PIP5K1B: variants seen among roughly 807,000 people sequenced by gnomAD.
The protein encoded by PIP5K1B is phosphatidylinositol-4-phosphate 5-kinase type 1 beta.
A neutral mutation model predicts 67.0 loss-of-function variants in PIP5K1B; 42 were observed. The ratio of observed to expected loss-of-function variants is 0.63; its 90% CI spans 0.49 to 0.81. The LOEUF is 0.81. Among genes scored for constraint, PIP5K1B ranks in the 30% least tolerant of loss-of-function variants. The probability of loss-of-function intolerance (pLI) is 0.00; values close to 1 mark genes in which losing one functional copy is unlikely to be tolerated. For missense variants in PIP5K1B, 459 were observed against 646.3 expected (o/e 0.71, Z 3.14); for synonymous variants, 214 against 231.4 (o/e 0.92, Z 0.68).
chr9:68,878,387 T>A (rs1313912821), intron 6 of PIP5K1B, among the ~76,000 whole-genome samples: 1 of 152,156 alleles, frequency 6.6e-6, no homozygotes, highest in African/African-American at 2.4e-5. Flanking sequence ...TTTGCTTTCT[T>A]TGGGGAAGAT....
chr9:68,846,227 A>G (rs1822184489), intron 4 of PIP5K1B, among the ~76,000 whole-genome samples: 1 of 152,190 alleles, frequency 6.6e-6, no homozygotes, highest in Non-Finnish European at 1.5e-5. Context: ...CTTTAGGTAA[A>G]TACTGATATT....
chr9:69,000,058 C>A (rs976158607), intron 15 of PIP5K1B, among the ~76,000 whole-genome samples: 2 of 152,074 alleles, frequency 1.3e-5, no homozygotes, highest in Admixed American at 6.5e-5. Context: ...TACAATGTGG[C>A]GCAAAAATGA....
At chr9:68,733,446 A>G (rs1000377029) in intron 1 of PIP5K1B, among the ~76,000 whole-genome samples, 9 of 151,942 alleles carry the variant, frequency 5.9e-5, no homozygotes, top group East Asian at 1.9e-4. Context: ...GTGCTTCCCA[A>G]AGAATTTTTA....
intron 1 of PIP5K1B, among the ~76,000 whole-genome samples, chr9:68,734,987 T>A (rs1417324924): frequency 6.6e-6 from 1 of 152,250 alleles, no homozygotes; most frequent in Non-Finnish European, 1.5e-5. Flanking sequence ...GGCCTATTTT[T>A]GTCACTTTTC....
intron 14 of PIP5K1B, among the ~76,000 whole-genome samples, chr9:68,955,121 GA>G (rs1828318622): frequency 6.6e-6 from 1 of 152,204 alleles, no homozygotes; most frequent in Non-Finnish European, 1.5e-5. Context: ...TGCAGTAAAG[GA>G]AGAGTGCTAC....
intron 1 of PIP5K1B, among the ~76,000 whole-genome samples, chr9:68,706,639 C>T (rs764159734): frequency 6.6e-6 from 1 of 152,156 alleles, no homozygotes; most frequent in Non-Finnish European, 1.5e-5. Flanking sequence ...TGTTACAGAT[C>T]AGAAATAACA....
At chr9:68,954,006 T>C (rs73647038) in intron 14 of PIP5K1B, among the ~76,000 whole-genome samples, 30 of 151,848 alleles carry the variant, frequency 2.0e-4, no homozygotes, top group African/African-American at 6.5e-4. Flanking sequence ...TATATACATA[T>C]TTACTTCCTC....
intron 4 of PIP5K1B, 46 bp from the exon 5 acceptor site, chr9:68,863,791 G>T (rs770258180): frequency 1.3e-6 from 2 of 1,586,578 alleles, no homozygotes; most frequent in Non-Finnish European, 1.7e-6. Context: ...ATTGAACAAG[G>T]CCCTGACTGT....
At chr9:68,927,986 C>T (rs1255501878) in intron 12 of PIP5K1B, among the ~76,000 whole-genome samples, 1 of 151,928 alleles carries the variant, frequency 6.6e-6, no homozygotes, top group Non-Finnish European at 1.5e-5. Flanking sequence ...CCGGTTGTTT[C>T]ACCACCATTT....
intron 14 of PIP5K1B, among the ~76,000 whole-genome samples, chr9:68,947,961 G>C (rs1481871731): frequency 6.6e-6 from 1 of 152,184 alleles, no homozygotes; most frequent in Admixed American, 6.5e-5. Flanking sequence ...GACACAGTTT[G>C]GGAGCAGATA....
In PIP5K1B at chr9:68,937,642, G is replaced by A. The variant is rs80119634; in HGVS notation, c.1357+2597G>A. Among the ~76,000 whole-genome samples, 9 of 152,080 alleles carry A rather than the reference G, an allele frequency of 5.9e-5. No individual in the cohort carries two copies. In the East Asian group the frequency reaches 1.5e-3, roughly 26 times the overall value. On this transcript the variant is annotated intron_variant, in intron 13 of 15. Transcript: ENST00000265382. Reference sequence around the variant, plus strand: ...TGATCTTAGTTATTTCTTGTCTTCCGCTAGATTTTGAATTTGTTTGCTGTT... The same window carrying A: ...TGATCTTAGTTATTTCTTGTCTTCCACTAGATTTTGAATTTGTTTGCTGTT...
chr9:68,910,102 C>T (rs1404397113), intron 8 of PIP5K1B, among the ~76,000 whole-genome samples: 1 of 152,174 alleles, frequency 6.6e-6, no homozygotes, highest in African/African-American at 2.4e-5. Context: ...CACAGTTGAC[C>T]AAGCCTGTGA....
At chr9:68,737,568 G>C (rs1375349142) in intron 1 of PIP5K1B, among the ~76,000 whole-genome samples, 1 of 152,218 alleles carries the variant, frequency 6.6e-6, no homozygotes, top group Non-Finnish European at 1.5e-5. Context: ...GGGCACACTG[G>C]ATTGTATCTC....
chr9:68,825,304 T>A (rs1320339891), intron 4 of PIP5K1B, among the ~76,000 whole-genome samples: 1 of 152,222 alleles, frequency 6.6e-6, no homozygotes, highest in African/African-American at 2.4e-5. Context: ...ATGTTTATTG[T>A]GTTTGTATCT....
At position 68,920,784 on chromosome 9, in the gene PIP5K1B, T is replaced by TCTCTCACACATA. The variant is rs879785029; in HGVS notation, c.1116+1056_1116+1057insTCTCACACATAC. Among the ~76,000 whole-genome samples the TCTCTCACACATA allele has an allele frequency of 7.4e-3, 1,048 of 141,950 alleles. 17 individuals carry two copies. The highest frequency in any genetic ancestry group is 0.028 in the African/African-American group (985 of 35,360). The allele number at this position is 141,950 out of a possible 152,430, so 93.1% of individuals were successfully genotyped here. On this transcript the variant is annotated intron_variant, in intron 11 of 15. Coordinates refer to ENST00000265382, the MANE Select transcript of PIP5K1B (RefSeq NM_003558.4). ...GTCTCTGTCTCTCTGTCTCTCTCTC[T>TCTCTCACACATA]CACACACATACACACACATACACAC...
chr9:68,908,356 TACAC>T (rs1278572565), intron 8 of PIP5K1B, among the ~76,000 whole-genome samples: 2 of 151,406 alleles, frequency 1.3e-5, no homozygotes, highest in East Asian at 1.9e-4. Context: ...TATATATACA[TACAC>T]ACACACATAC....
At chr9:68,780,060 C>T (rs1587433200) in intron 2 of PIP5K1B, 1 of 1,411,288 alleles carries the variant, frequency 7.1e-7, no homozygotes, top group African/African-American at 1.5e-5. Flanking sequence ...GGCCAGCCCG[C>T]TGACAGATTC....
intron 12 of PIP5K1B, among the ~76,000 whole-genome samples, chr9:68,929,326 TCCC>T (rs1826875179): frequency 2.6e-5 from 4 of 152,292 alleles, no homozygotes; most frequent in Non-Finnish European, 4.4e-5. Flanking sequence ...CCAGGACAGA[TCCC>T]TGTAGAGATT....
chr9:68,857,193 G>C (rs1282949803), intron 4 of PIP5K1B, among the ~76,000 whole-genome samples: 1 of 152,194 alleles, frequency 6.6e-6, no homozygotes, highest in Non-Finnish European at 1.5e-5. Flanking sequence ...TAGGACTTCT[G>C]ACCTCCAGAA....
Sources: gnomAD v4.1 joint callset for allele counts (sites outside exome capture counted in the v4.1 genomes callset) on GRCh38, gnomAD v4.1.1 for gene constraint, MANE v1.5 for transcripts, NCBI Gene and HGNC (gene_info 2026-07-23, HGNC 2026-07-21) for gene names.